Variants in DLGAP2 observed in about 807,000 individuals in gnomAD.
DLGAP2 encodes DLG associated protein 2.
DLGAP2 carries 26 observed loss-of-function variants against 100.3 expected under a neutral mutation model. The ratio of observed to expected loss-of-function variants is 0.26; its 90% confidence interval spans 0.19 to 0.36. The LOEUF is 0.36. Among genes scored for constraint, DLGAP2 ranks in the 10% least tolerant of loss-of-function variants. DLGAP2 has a pLI of 1.00. For synonymous variants in DLGAP2, 886 were observed against 630.1 expected, an observed-to-expected ratio of 1.41 and a Z score of -6.08; for missense variants, 1,858 against 1,453.2, an observed-to-expected ratio of 1.28 and a Z score of -4.53.
At chr8:1,525,354 G>T (rs1179116498) in intron 4 of DLGAP2, among the ~76,000 whole-genome samples, 1 of 152,072 alleles carries the variant, frequency 6.6e-6, no homozygotes, top group African/African-American at 2.4e-5. Context: ...TTTTATTTTA[G>T]TTGGATTTTT....
chr8:1,559,121 C>T (rs1476511988), intron 5 of DLGAP2, among the ~76,000 whole-genome samples: 1 of 152,190 alleles, frequency 6.6e-6, no homozygotes, highest in African/African-American at 2.4e-5. Context: ...TTATGTCACC[C>T]TTATGAAAAT....
chr8:1,506,360 C>G (rs1584963830), intron 4 of DLGAP2, among the ~76,000 whole-genome samples: 1 of 152,184 alleles, frequency 6.6e-6, no homozygotes, highest in South Asian at 2.1e-4. Context: ...TCACTGACGT[C>G]AAGAATGAAG....
chr8:1,368,745 C>G (rs768076790), intron 3 of DLGAP2: 1 of 152,324 alleles, frequency 6.6e-6, no homozygotes, highest in South Asian at 2.1e-4. Context: ...AATTCATTAT[C>G]TGCTGACTCC....
chr8:1,234,147 C>T (rs903595836), intron 2 of DLGAP2, among the ~76,000 whole-genome samples: 2 of 152,220 alleles, frequency 1.3e-5, no homozygotes, highest in Non-Finnish European at 2.9e-5. Flanking sequence ...AAGGCTTCTC[C>T]TGTCCTCCCT....
chr8:1,233,193 A>T, intron 2 of DLGAP2, among the ~76,000 whole-genome samples: 1 of 152,114 alleles, frequency 6.6e-6, no homozygotes. Flanking sequence ...TCTGTTTGTC[A>T]CTCATTGGAC....
intron 1 of DLGAP2, among the ~76,000 whole-genome samples, chr8:779,394 A>C (rs1053554360): frequency 6.6e-6 from 1 of 150,552 alleles, no homozygotes; most frequent in Non-Finnish European, 1.5e-5. Context: ...TTCCAAATGC[A>C]CCTACACTGG....
At chr8:1,230,394 A>G (rs1292360646) in intron 2 of DLGAP2, among the ~76,000 whole-genome samples, 1 of 152,236 alleles carries the variant, frequency 6.6e-6, no homozygotes, top group Non-Finnish European at 1.5e-5. Context: ...TTCCATGATG[A>G]TGGACTGGAG....
In DLGAP2 at chr8:1,626,881, G is replaced by A. The variant is rs141198040; in HGVS notation, c.1584G>A (p.Val528=). The change falls in exon 7 of 15, where the codon GTG becomes GTA. Residue 528 remains valine, a synonymous_variant. Transcript: ENST00000637795. ...GCACCCTGAGCCAGGCCAGCTGCGT[G>A]AGCCAGGTCAGGGTCCCTTCGCCCT... is the stretch of plus-strand genomic sequence containing the variant. The part of the protein sequence containing the change: ...AVSTLSQASC[V]SQVSEAEING... 5.9e-4 allele frequency: 944 copies of A among 1,599,946 alleles called. 6 individuals carry two copies. The African/African-American group carries it at 7.6e-3, about 13-fold the overall frequency.
intron 2 of DLGAP2, among the ~76,000 whole-genome samples, chr8:1,041,496 T>C (rs1802345299): frequency 6.6e-6 from 1 of 152,188 alleles, no homozygotes; most frequent in Non-Finnish European, 1.5e-5. Context: ...TGCCTGTTTC[T>C]CCTGTTTCTG....
chr8:907,732 A>G (rs908785568), intron 1 of DLGAP2, among the ~76,000 whole-genome samples, 180 bp from the exon 2 acceptor site: 3 of 152,252 alleles, frequency 2.0e-5, no homozygotes, highest in African/African-American at 7.2e-5. Flanking sequence ...AACCTTTTCA[A>G]TGAAAAATGT....
chr8:1,361,011 C>G (rs1585299219), intron 3 of DLGAP2, among the ~76,000 whole-genome samples: 1 of 152,174 alleles, frequency 6.6e-6, no homozygotes, highest in East Asian at 1.9e-4. Context: ...AAATTTCATC[C>G]TGAGAAGGGG....
In DLGAP2 at chr8:1,609,157, T is replaced by A. The variant is rs377244434; in HGVS notation, c.1443-17583T>A. ...GCCAGAGAGAAAGGTCGGGTTACCC[T>A]CAAAGGGAAGCCCATCAGACTAACA... On this transcript the variant is annotated intron_variant, in intron 6 of 14. Transcript: ENST00000637795. 9.1e-4 allele frequency among the ~76,000 whole-genome samples: 123 copies of A among 134,652 alleles called. 5 individuals are homozygous for A. The East Asian group carries it at 0.02, about 22-fold the overall frequency. The allele number at this position is 134,652 out of a possible 152,430, so 88.3% of individuals were successfully genotyped here.
chr8:1,477,849 T>A (rs1186776590), intron 3 of DLGAP2, among the ~76,000 whole-genome samples: 3 of 150,486 alleles, frequency 2.0e-5, no homozygotes, highest in Admixed American at 1.3e-4. Flanking sequence ...ATGGAATGAA[T>A]AGACCTGATT....
chr8:1,351,955 G>A (rs1801739729), intron 3 of DLGAP2, among the ~76,000 whole-genome samples: 1 of 84,360 alleles, frequency 1.2e-5, no homozygotes, highest in Non-Finnish European at 2.5e-5. Context: ...GGCCGTGCGG[G>A]TCCTGAGTGT....
intron 2 of DLGAP2, among the ~76,000 whole-genome samples, chr8:946,580 T>C (rs887178480): frequency 1.2e-4 from 19 of 152,224 alleles, no homozygotes; most frequent in Non-Finnish European, 2.9e-5. Flanking sequence ...TAGTTTTTAC[T>C]TGTCACACAG....
chr8:1,144,323 T>C (rs1796570042), intron 2 of DLGAP2, among the ~76,000 whole-genome samples: 1 of 152,208 alleles, frequency 6.6e-6, no homozygotes, highest in African/African-American at 2.4e-5. Context: ...GGAGGTAAAA[T>C]TACTGTTTAT....
At chr8:877,002 T>TG in intron 1 of DLGAP2, among the ~76,000 whole-genome samples, 1 of 151,874 alleles carries the variant, frequency 6.6e-6, no homozygotes, top group East Asian at 1.9e-4. Context: ...TTACCAGGTT[T>TG]TTTTTTTTTT....
At chr8:1,320,129 G>C (rs911361722) in intron 3 of DLGAP2, among the ~76,000 whole-genome samples, 3 of 152,126 alleles carry the variant, frequency 2.0e-5, no homozygotes, top group African/African-American at 7.2e-5. Context: ...GTGAGGAAGA[G>C]GAGGGCTGAA....
chr8:1,379,968 T>C (rs1239267949), intron 3 of DLGAP2, among the ~76,000 whole-genome samples: 38 of 151,162 alleles, frequency 2.5e-4, no homozygotes, highest in Non-Finnish European at 1.6e-4. Context: ...GGGGGCCTGC[T>C]CTTTTGGGGG....
Sources: allele counts gnomAD v4.1 joint callset (sites outside exome capture counted in the v4.1 genomes callset), GRCh38; gene constraint gnomAD v4.1.1; transcripts MANE v1.5; gene names NCBI Gene and HGNC (gene_info 2026-07-23, HGNC 2026-07-21).